METTL15: variants seen among roughly 807,000 people sequenced by gnomAD.
METTL15 encodes methyltransferase 15, mitochondrial 12S rRNA N4-cytidine.
In METTL15, 34 loss-of-function variants were observed where a neutral mutation model predicts 38.3. The ratio of observed to expected loss-of-function variants is 0.89; its 90% confidence interval spans 0.68 to 1.18. METTL15 has a LOEUF of 1.18. Among genes scored for constraint, METTL15 ranks in the 50% most tolerant of loss-of-function variants. The probability of loss-of-function intolerance (pLI) is 0.00; values close to 1 mark genes in which losing one functional copy is unlikely to be tolerated. For missense variants in METTL15, 438 were observed against 498.4 expected (o/e 0.88, Z 1.15); for synonymous variants, 162 against 170.9 (o/e 0.95, Z 0.41).
chr11:28,467,014 G>A (rs554799790), intron 6 of METTL15, among the ~76,000 whole-genome samples: 63 of 152,252 alleles, frequency 4.1e-4, no homozygotes, highest in African/African-American at 1.5e-3. Flanking sequence ...AATTCTGGTG[G>A]CCTGGCCTGA....
At chr11:28,474,257 A>G (rs1341030447) in intron 6 of METTL15, among the ~76,000 whole-genome samples, 2 of 151,846 alleles carry the variant, frequency 1.3e-5, no homozygotes, top group South Asian at 2.1e-4. Context: ...ATAAATATTT[A>G]TATCCATTTT....
At chr11:28,242,389 A>C (rs1854337471) in intron 4 of METTL15, among the ~76,000 whole-genome samples, 1 of 152,182 alleles carries the variant, frequency 6.6e-6, no homozygotes, top group East Asian at 1.9e-4. Flanking sequence ...AAAAAGCCCA[A>C]ATGCATGGTT....
At chr11:28,415,666 A>C (rs1850766437) in intron 5 of METTL15, among the ~76,000 whole-genome samples, 1 of 152,206 alleles carries the variant, frequency 6.6e-6, no homozygotes, top group African/African-American at 2.4e-5. Flanking sequence ...CACTCACAAC[A>C]AATAGAAGCT....
chr11:28,395,873 C>T (rs1229079081), intron 5 of METTL15, among the ~76,000 whole-genome samples: 1 of 152,120 alleles, frequency 6.6e-6, no homozygotes, highest in Non-Finnish European at 1.5e-5. Flanking sequence ...CCGAATCCAG[C>T]AGCACATCAA....
intron 5 of METTL15, among the ~76,000 whole-genome samples, chr11:28,368,178 G>GA (rs1201582869): frequency 1.7e-3 from 178 of 104,836 alleles, no homozygotes; most frequent in African/African-American, 3.1e-3. Context: ...GAAAAAAACA[G>GA]AAAAAAAAAC....
intron 6 of METTL15, among the ~76,000 whole-genome samples, chr11:28,520,184 A>G (rs1459121772): frequency 2.0e-5 from 3 of 151,972 alleles, no homozygotes; most frequent in African/African-American, 7.3e-5. Context: ...CACAAATAGG[A>G]AAAGTGAGCC....
At chr11:28,231,427 T>TA (rs1853680919) in intron 4 of METTL15, among the ~76,000 whole-genome samples, 1 of 151,918 alleles carries the variant, frequency 6.6e-6, no homozygotes, top group South Asian at 2.1e-4. Context: ...TTGATCAAGT[T>TA]AAGTTAGCTA....
rs897515886 is a variant in METTL15, at chr11:28,499,937, C to T, written c.*425-26541C>T. 2.6e-5 allele frequency among the ~76,000 whole-genome samples: 4 copies of T among 152,084 alleles called. No homozygotes were observed. In the East Asian group the frequency reaches 7.7e-4, roughly 29 times the overall value. On this transcript the variant is annotated intron_variant and NMD_transcript_variant, in intron 6 of 7. Transcript: ENST00000532947. ...GATGCATGTGGTATTCTGGGTAGAG[C>T]AATTGTCCTTTTAATTAAAAGTAAT...
chr11:28,164,479 T>C (rs999545812), intron 3 of METTL15, among the ~76,000 whole-genome samples: 1 of 152,070 alleles, frequency 6.6e-6, no homozygotes, highest in African/African-American at 2.4e-5. Flanking sequence ...TATTTAGCCA[T>C]ACATGATTTT....
chr11:28,496,470 A>G (rs1486606001), intron 6 of METTL15, among the ~76,000 whole-genome samples: 1 of 152,216 alleles, frequency 6.6e-6, no homozygotes, highest in East Asian at 1.9e-4. Flanking sequence ...ACAGAGGGAA[A>G]CACAGGTGAA....
At position 28,156,870 on chromosome 11, in the gene METTL15, A is replaced by C. The variant is rs950588861; in HGVS notation, c.270+43266A>C. Among the ~76,000 whole-genome samples, 31 of 152,210 alleles carry C rather than the reference A, an allele frequency of 2.0e-4. 1 individual carries two copies. Among genetic ancestry groups the C allele is most frequent in the African/African-American group, 7.2e-4 (30 of 41,446 alleles). The stretch of plus-strand genomic sequence containing the variant: ...CCAGGAGATAATGGCCTTGAAACAC[A>C]AATAAAGGCACAGAAAAATATCTTT... On this transcript the variant is annotated intron_variant, in intron 3 of 6. Coordinates refer to ENST00000407364, the MANE Select transcript of METTL15 (RefSeq NM_001113528.2).
At chr11:28,220,516 A>G (rs191849501) in intron 4 of METTL15, among the ~76,000 whole-genome samples, 7 of 152,170 alleles carry the variant, frequency 4.6e-5, no homozygotes, top group East Asian at 1.9e-4. Context: ...TCTTTATCCA[A>G]TTTGCCAGTA....
At chr11:28,186,608 T>C (rs1851503144) in intron 3 of METTL15, among the ~76,000 whole-genome samples, 1 of 151,126 alleles carries the variant, frequency 6.6e-6, no homozygotes, top group African/African-American at 2.4e-5. Flanking sequence ...TAGTACTGTG[T>C]TATAGGTGAA....
intron 6 of METTL15, among the ~76,000 whole-genome samples, chr11:28,482,290 T>C (rs537172847): frequency 1.3e-5 from 2 of 152,312 alleles, no homozygotes; most frequent in East Asian, 3.9e-4. Flanking sequence ...TATTTGGAGA[T>C]TGAAAAGCAT....
intron 3 of METTL15, among the ~76,000 whole-genome samples, chr11:28,347,203 A>G (rs906214170): frequency 6.6e-6 from 1 of 152,194 alleles, no homozygotes; most frequent in Non-Finnish European, 1.5e-5. Context: ...CTGCTGCTGC[A>G]CTTTGAAGTG....
intron 6 of METTL15, among the ~76,000 whole-genome samples, chr11:28,443,071 T>C (rs1851048462): frequency 6.6e-6 from 1 of 152,218 alleles, no homozygotes; most frequent in Admixed American, 6.5e-5. Context: ...ATATAGAACA[T>C]TGCCATCACC....
At chr11:28,291,050 C>CTTT (rs1313497959) in intron 5 of METTL15, among the ~76,000 whole-genome samples, 29 of 133,638 alleles carry the variant, frequency 2.2e-4, no homozygotes, top group African/African-American at 5.6e-4. Context: ...TAATTCTTTT[C>CTTT]TTTTTTTTTT....
intron 3 of METTL15, among the ~76,000 whole-genome samples, chr11:28,196,969 A>T (rs1032197028): frequency 1.8e-4 from 27 of 152,004 alleles, no homozygotes; most frequent in Non-Finnish European, 1.6e-4. Context: ...GAGCAATACC[A>T]AAGTCTTTTA....
In METTL15 at chr11:28,296,749, G is replaced by A. The variant is rs147988849; in HGVS notation, c.600-4G>A. On this transcript the variant is annotated splice_polypyrimidine_tract_variant and splice_region_variant and intron_variant, in intron 5 of 6. Transcript: ENST00000407364. ...GTGAACTAATTGGCTCTTCTTGTGCGTAGGTACCCTGACATGCCCACTGCT... is the reference window on the plus strand; with the variant it reads ...GTGAACTAATTGGCTCTTCTTGTGCATAGGTACCCTGACATGCCCACTGCT... 2.2e-5 allele frequency: 35 copies of A among 1,612,594 alleles called. No homozygotes were observed. The highest frequency in any genetic ancestry group is 1.1e-4 in the East Asian group (5 of 44,836).
Sources: gnomAD v4.1 joint callset for allele counts (sites outside exome capture counted in the v4.1 genomes callset) on GRCh38, gnomAD v4.1.1 for gene constraint, MANE v1.5 for transcripts, NCBI Gene and HGNC (gene_info 2026-07-23, HGNC 2026-07-21) for gene names.